Variants in ARPP21 observed in about 807,000 individuals in gnomAD.
ARPP21 encodes the protein cAMP regulated phosphoprotein 21.
A neutral mutation model predicts 113.2 loss-of-function variants in ARPP21; 69 were observed. That is an observed-to-expected ratio of 0.61 (90% CI 0.50 to 0.74). The LOEUF is 0.74. Ranked by LOEUF, ARPP21 falls within the 30% of genes least tolerant of loss-of-function variation. The probability of loss-of-function intolerance (pLI) is 0.00; values close to 1 mark genes in which losing one functional copy is unlikely to be tolerated. For synonymous variants in ARPP21, 368 were observed against 375.5 expected (o/e 0.98, Z 0.23); for missense variants, 1,070 against 1,037.4 (o/e 1.03, Z -0.43).
Position 35,667,885 on chromosome 3 carries a change from A to AGAAGAAGAGGAAGAG in ARPP21, c.-212-11897_-212-11896insAGAGGAAGAGGAAGA, listed in dbSNP as rs777434867. ...AAGAAGAAGAAGAAGAAGAAGAAGA[A>AGAAGAAGAGGAAGAG]GAAGAGGAAGAGGAAGAGGAAGAGG... On this transcript the variant is annotated intron_variant, in intron 1 of 20. Transcript: ENST00000684406. Among the ~76,000 whole-genome samples, 68 of 97,690 alleles carry AGAAGAAGAGGAAGAG rather than the reference A, an allele frequency of 7.0e-4. 4 individuals carry two copies. The highest frequency in any genetic ancestry group is 2.8e-3 in the Admixed American group (26 of 9,220). 64.1% of individuals were successfully genotyped at this position (97,690 alleles called of 152,430 possible).
intron 5 of ARPP21, chr3:35,685,844 A>G (rs908333657): frequency 4.2e-5 from 32 of 766,252 alleles, no homozygotes; most frequent in Non-Finnish European, 4.9e-5. Context: ...ATTATTGAGC[A>G]TATCAATAAA....
intron 3 of ARPP21, among the ~76,000 whole-genome samples, chr3:35,682,175 A>G (rs904475485): frequency 4.0e-5 from 6 of 151,890 alleles, no homozygotes; most frequent in Non-Finnish European, 7.4e-5. Flanking sequence ...GGCTTCTCCC[A>G]AGGCAGCTTT....
At chr3:35,788,316 G>A (rs747292399) in intron 19 of ARPP21, among the ~76,000 whole-genome samples, 1 of 152,152 alleles carries the variant, frequency 6.6e-6, no homozygotes, top group Non-Finnish European at 1.5e-5. Context: ...GGCTCTTGCT[G>A]GTTCCTTTGA....
intron 18 of ARPP21, among the ~76,000 whole-genome samples, 175 bp downstream of exon 18, chr3:35,739,752 T>A (rs1434328947): frequency 6.6e-6 from 1 of 152,222 alleles, no homozygotes; most frequent in Admixed American, 6.5e-5. Context: ...TTCAAAGTTA[T>A]AGGGCTCAGA....
At chr3:35,769,616 G>C (rs1488783877) in intron 19 of ARPP21, among the ~76,000 whole-genome samples, 2 of 152,104 alleles carry the variant, frequency 1.3e-5, no homozygotes, top group Non-Finnish European at 2.9e-5. Flanking sequence ...TGGCTCCTCT[G>C]CTTTACTGCC....
chr3:35,666,892 C>T (rs2074504589), intron 1 of ARPP21, among the ~76,000 whole-genome samples: 1 of 152,184 alleles, frequency 6.6e-6, no homozygotes, highest in Admixed American at 6.5e-5. Context: ...GCAACCTCAA[C>T]TATCCCCTGT....
intron 19 of ARPP21, among the ~76,000 whole-genome samples, chr3:35,752,195 G>A (rs938574354): frequency 6.6e-6 from 1 of 151,844 alleles, no homozygotes; most frequent in East Asian, 1.9e-4. Context: ...CCAGGTCAGG[G>A]AATGTATATC....
In ARPP21 at chr3:35,793,876, C is replaced by A. The variant is rs2096795064; in HGVS notation, c.2462C>A (p.Ser821Tyr). 4 of 1,614,140 alleles carry A rather than the reference C, an allele frequency of 2.5e-6. No individual in the cohort carries two copies. In the East Asian group the frequency reaches 8.9e-5, roughly 36 times the overall value. Residue 821 changes from serine to tyrosine, a missense_variant, in exon 21 of 21, where the codon TCC (serine) becomes TAC (tyrosine). Coordinates refer to ENST00000684406, the MANE Select transcript of ARPP21 (RefSeq NM_001385562.1). The part of the protein sequence containing the change: ...NLRLIGPHCP[S>Y]STVPVMSASC... ...AGGCTGATTGGCCCACACTGCCCCTCCAGCACTGTCCCAGTGATGTCAGCT... is the reference window on the plus strand; with the variant it reads ...AGGCTGATTGGCCCACACTGCCCCTACAGCACTGTCCCAGTGATGTCAGCT...
intron 9 of ARPP21, among the ~76,000 whole-genome samples, chr3:35,705,846 T>C (rs549159502): frequency 6.6e-6 from 1 of 152,330 alleles, no homozygotes; most frequent in South Asian, 2.1e-4. Flanking sequence ...ATCAAAATTA[T>C]TATAATTTAT....
intron 14 of ARPP21, 56 bp from the exon 15 acceptor site, chr3:35,729,247 G>T (rs940783388): frequency 1.6e-6 from 2 of 1,242,736 alleles, no homozygotes; most frequent in Non-Finnish European, 2.4e-6. Flanking sequence ...ACTCAGATTG[G>T]TGCTTTCTCT....
At chr3:35,747,149 G>C (rs909753428) in intron 19 of ARPP21, among the ~76,000 whole-genome samples, 2 of 152,038 alleles carry the variant, frequency 1.3e-5, no homozygotes, top group African/African-American at 4.8e-5. Flanking sequence ...TCAGGAGCTC[G>C]AGACCAGCCT....
chr3:35,744,020 A>G (rs534132693), intron 19 of ARPP21, 55 bp downstream of exon 19: 1 of 1,597,728 alleles, frequency 6.3e-7, no homozygotes, highest in South Asian at 1.1e-5. Context: ...TTGCTGGTGA[A>G]TCTTGTACTC....
At chr3:35,756,886 G>A (rs1237203781) in intron 19 of ARPP21, among the ~76,000 whole-genome samples, 1 of 152,114 alleles carries the variant, frequency 6.6e-6, no homozygotes, top group African/African-American at 2.4e-5. Flanking sequence ...GAGTATTGTA[G>A]GAATATGCAG....
In ARPP21 at chr3:35,794,404, T is replaced by C. The variant is rs1307559758; in HGVS notation, c.*446T>C. On this transcript the variant is annotated 3_prime_UTR_variant, in exon 21 of 21. Coordinates refer to ENST00000684406, the MANE Select transcript of ARPP21 (RefSeq NM_001385562.1). ...TATATACATTATAGAGTTTTCTTTT[T>C]TAATGGATATATACTGTATTGTAGT... 1 of 178,208 alleles carries C rather than the reference T, an allele frequency of 5.6e-6. No individual in the cohort carries two copies. Among genetic ancestry groups the C allele is most frequent in the Non-Finnish European group, 1.2e-5 (1 of 82,416 alleles). The allele number at this position is 178,208 out of a possible 1,614,324, so 11.0% of individuals were successfully genotyped here. A position where few individuals can be genotyped will look rare whatever the true frequency, so the allele number is the denominator to read the frequency against.
chr3:35,737,410 G>C, intron 16 of ARPP21, 48 bp downstream of exon 16: 109 of 1,312,084 alleles, frequency 8.3e-5, no homozygotes, highest in Middle Eastern at 2.1e-4. Flanking sequence ...CTGAGATGAA[G>C]GCTACATAGT....
chr3:35,738,012 G>T (rs1319212622), intron 16 of ARPP21, among the ~76,000 whole-genome samples: 1 of 152,196 alleles, frequency 6.6e-6, no homozygotes, highest in Non-Finnish European at 1.5e-5. Context: ...ACTTCTTAAA[G>T]AAATAATCAC....
chr3:35,725,008 G>T (rs1301897315), intron 14 of ARPP21, among the ~76,000 whole-genome samples: 1 of 152,182 alleles, frequency 6.6e-6, no homozygotes, highest in African/African-American at 2.4e-5. Flanking sequence ...CATTATTATT[G>T]CAACAGGGAT....
chr3:35,682,290 A>G (rs1024688432), intron 3 of ARPP21: 3 of 161,830 alleles, frequency 1.9e-5, no homozygotes, highest in African/African-American at 7.2e-5. Flanking sequence ...TTTGACTTTC[A>G]TGGGCATGCT....
At position 35,693,045 on chromosome 3, in the gene ARPP21, C is replaced by CT. The variant is rs1164002934; in HGVS notation, c.686+2049dup. ...TTTTTCACTTCTAGAAGAGTGCCAGCTTTTTTTTTAATTAATGGCCATTTA... is the reference window on the plus strand; with the variant it reads ...TTTTTCACTTCTAGAAGAGTGCCAGCTTTTTTTTTTAATTAATGGCCATTTA... On this transcript the variant is annotated intron_variant, in intron 9 of 20. Transcript: ENST00000684406. 4.4e-4 allele frequency among the ~76,000 whole-genome samples: 66 copies of CT among 150,410 alleles called. No individual in the cohort carries two copies. In the South Asian group the frequency reaches 0.013, roughly 31 times the overall value.
Sources: allele counts gnomAD v4.1 joint callset (sites outside exome capture counted in the v4.1 genomes callset), GRCh38; gene constraint gnomAD v4.1.1; transcripts MANE v1.5; gene names NCBI Gene and HGNC (gene_info 2026-07-23, HGNC 2026-07-21).